The following CFAP52 variants were observed in gnomAD, a reference collection of about 807,000 sequenced individuals.
CFAP52 encodes the protein cilia- and flagella-associated protein 52.
Under a neutral mutation model 70.5 loss-of-function variants are expected in CFAP52, and 57 were observed. The observed-to-expected ratio is 0.81, with a 90% CI of 0.65 to 1.01. The LOEUF is 1.01. Ranked by LOEUF, CFAP52 falls within the 50% of genes least tolerant of loss-of-function variation. The pLI, the probability that CFAP52 is intolerant of heterozygous loss-of-function variation, is 0.00. For missense variants in CFAP52, 785 were observed against 788.5 expected, an observed-to-expected ratio of 1.00 and a Z score of 0.05; for synonymous variants, 267 against 292.5, an observed-to-expected ratio of 0.91 and a Z score of 0.89.
chr17:9,611,367 T>C (rs1398587444), intron 7 of CFAP52, among the ~76,000 whole-genome samples: 3 of 152,146 alleles, frequency 2.0e-5, no homozygotes, highest in Middle Eastern at 3.4e-3. Context: ...TTTTTTTTCT[T>C]TTTTTGAGAC....
rs75805385 is a variant in CFAP52 at position 9,588,283 on chromosome 17, C to T, written c.407+1449C>T. Among the ~76,000 whole-genome samples the T allele has an allele frequency of 3.6e-3, 549 of 152,292 alleles. 1 individual carries two copies. The highest frequency in any genetic ancestry group is 0.013 in the African/African-American group (527 of 41,564). ...TTGCCCTGTGGACACTGTGCAGGTG[C>T]CCTGGCGCCCAGAGAAAGAGAGAGA... On this transcript the variant is annotated intron_variant, in intron 3 of 13. Transcript: ENST00000352665.
rs1491108066 is a variant in CFAP52 at position 9,636,225 on chromosome 17, AAG to A, written c.1472+671_1472+672del. ...AAAGAAAGAAAGAAAGAAAGAAAGA[AAG>A]AAAGAAAGAAAGAAAGAAAGAAAGA... On this transcript the variant is annotated intron_variant, in intron 11 of 13. Coordinates refer to ENST00000352665, the MANE Select transcript of CFAP52 (RefSeq NM_145054.5). Among the ~76,000 whole-genome samples, 42 of 150,094 alleles carry A rather than the reference AAG, an allele frequency of 2.8e-4. 2 individuals carry two copies. The highest frequency in any genetic ancestry group is 9.9e-4 in the African/African-American group (40 of 40,206).
At chr17:9,592,401 A>G (rs1908805291) in intron 3 of CFAP52, among the ~76,000 whole-genome samples, 1 of 152,028 alleles carries the variant, frequency 6.6e-6, no homozygotes, top group South Asian at 2.1e-4. Flanking sequence ...CCCAGGAGGC[A>G]GAGGTTGCAG....
Position 9,585,892 on chromosome 17 carries a change from G to A in CFAP52, c.190G>A (p.Gly64Ser). 2 of 1,613,876 alleles carry A rather than the reference G, an allele frequency of 1.2e-6. No individual in the cohort carries two copies. ...AGAGCAGAACTTCCTACAGGGTCAT[G>A]GCAACAACGTCTCCTGCTTGGCCAT... ...TKEQNFLQGH[G>S]NNVSCLAISR... The change falls in exon 2 of 14, where the codon GGC becomes AGC. Residue 64 changes from glycine (G) to serine (S), a missense_variant. By Grantham distance (56) the Gly-to-Ser change is moderately conservative (BLOSUM62 0). Coordinates refer to ENST00000352665, the MANE Select transcript of CFAP52 (RefSeq NM_145054.5).
intron 4 of CFAP52, among the ~76,000 whole-genome samples, chr17:9,596,063 A>ATATATATATATG (rs1908998782): frequency 4.1e-5 from 2 of 48,982 alleles, no homozygotes; most frequent in African/African-American, 1.6e-4. Context: ...GTGTGTGTAT[A>ATATATATATATG]TATATATATA....
At chr17:9,578,461 G>A (rs1197106207) in intron 1 of CFAP52, among the ~76,000 whole-genome samples, 1 of 152,182 alleles carries the variant, frequency 6.6e-6, no homozygotes, top group East Asian at 1.9e-4. Flanking sequence ...CTATGAACTG[G>A]ACAGGTTGCA....
At chr17:9,625,953 A>T (rs971200992) in intron 8 of CFAP52, among the ~76,000 whole-genome samples, 6 of 152,174 alleles carry the variant, frequency 3.9e-5, no homozygotes, top group Admixed American at 3.3e-4. Flanking sequence ...CTATGTGATG[A>T]TACTCTTTCC....
intron 10 of CFAP52, among the ~76,000 whole-genome samples, chr17:9,634,719 G>A (rs534985512): frequency 6.8e-4 from 103 of 151,704 alleles, no homozygotes; most frequent in Admixed American, 2.9e-3. Flanking sequence ...AGCCGAGATC[G>A]CGCCATTGCA....
In CFAP52 at chr17:9,635,447, G is replaced by A. The variant is rs749849724; in HGVS notation, c.1363G>A (p.Glu455Lys). The A allele has an allele frequency of 6.2e-7, 1 of 1,614,234 alleles. No homozygotes were observed. Among genetic ancestry groups the A allele is most frequent in the East Asian group, 2.2e-5 (1 of 44,888 alleles). ...AGGCTGTCAGACCCAGAAGCTGGAG[G>A]AGGCCCTGAAGGAACACAAGTCATC... Reference protein sequence around the residue: ...QIGCQTQKLEEALKEHKSSVS... With the variant: ...QIGCQTQKLEKALKEHKSSVS... Residue 455 changes from glutamate (E) to lysine (K), a missense_variant, in exon 11 of 14, where the codon GAG becomes AAG. By Grantham distance (56) the Glu-to-Lys change is moderately conservative (BLOSUM62 1). Transcript: ENST00000352665.
At chr17:9,637,612 C>T (rs527301869) in intron 11 of CFAP52, among the ~76,000 whole-genome samples, 3 of 152,224 alleles carry the variant, frequency 2.0e-5, no homozygotes, top group South Asian at 4.1e-4. Flanking sequence ...AAATGCAGAT[C>T]CTGGCCAGGC....
chr17:9,637,972 G>A (rs1910884192), intron 11 of CFAP52, among the ~76,000 whole-genome samples: 1 of 152,184 alleles, frequency 6.6e-6, no homozygotes, highest in Admixed American at 6.5e-5. Context: ...AGGGTAGGGG[G>A]TGGGTCTTGG....
chr17:9,632,842 G>A (rs1224786627), intron 9 of CFAP52, 46 bp from the exon 10 acceptor site: 2 of 1,603,128 alleles, frequency 1.2e-6, no homozygotes, highest in East Asian at 2.2e-5. Context: ...TGGAGAGAGG[G>A]TGCATATACT....
At chr17:9,632,214 A>G (rs759230803) in intron 9 of CFAP52, among the ~76,000 whole-genome samples, 13 of 149,482 alleles carry the variant, frequency 8.7e-5, no homozygotes, top group Non-Finnish European at 5.9e-5. Flanking sequence ...AGTAGCTAGG[A>G]CTAAATGGGC....
intron 6 of CFAP52, among the ~76,000 whole-genome samples, chr17:9,603,112 T>C (rs1011534870): frequency 4.0e-5 from 6 of 151,346 alleles, no homozygotes; most frequent in African/African-American, 1.5e-4. Flanking sequence ...TCCTAGCACT[T>C]GGGAACGAAA....
intron 5 of CFAP52, 118 bp from the exon 6 acceptor site, chr17:9,599,949 C>A: frequency 1.4e-6 from 1 of 731,466 alleles, no homozygotes; most frequent in South Asian, 1.6e-5. Flanking sequence ...CCATGTTGGT[C>A]AGTCTGGTCT....
chr17:9,608,113 C>G lies in CFAP52; in HGVS notation c.754-6C>G, dbSNP rs1182071578. On this transcript the variant is annotated splice_polypyrimidine_tract_variant and splice_region_variant and intron_variant, in intron 6 of 13. Coordinates refer to ENST00000352665, the MANE Select transcript of CFAP52 (RefSeq NM_145054.5). ...TGCTTTTTCTTAACACAGTTTTTCC[C>G]CCTAGGGAGTGTCAGCTATCAGGTG... The G allele has an allele frequency of 6.2e-7, 1 of 1,609,486 alleles. No individual in the cohort carries two copies. Among genetic ancestry groups the G allele is most frequent in the African/African-American group, 1.3e-5 (1 of 74,730 alleles).
chr17:9,598,425 G>T, intron 5 of CFAP52, 92 bp downstream of exon 5: 1 of 1,083,740 alleles, frequency 9.2e-7, no homozygotes. Flanking sequence ...CATGGGGCTG[G>T]GGATAGGAAA....
intron 6 of CFAP52, among the ~76,000 whole-genome samples, chr17:9,607,409 G>A (rs1431075227): frequency 3.3e-5 from 5 of 152,186 alleles, no homozygotes; most frequent in Non-Finnish European, 5.9e-5. Flanking sequence ...TTTAAAATTA[G>A]AACTTCACAG....
intron 10 of CFAP52, among the ~76,000 whole-genome samples, chr17:9,634,782 A>T (rs1038024216): frequency 6.6e-6 from 1 of 152,174 alleles, no homozygotes; most frequent in African/African-American, 2.4e-5. Context: ...AAGGAATACC[A>T]TACTAACTAA....
Sources: allele counts gnomAD v4.1 joint callset (sites outside exome capture counted in the v4.1 genomes callset), GRCh38; gene constraint gnomAD v4.1.1; transcripts MANE v1.5; gene names NCBI Gene and HGNC (gene_info 2026-07-23, HGNC 2026-07-21).